Variants in P4HA1 observed in about 807,000 individuals in gnomAD.
The protein encoded by P4HA1 is prolyl 4-hydroxylase subunit alpha-1.
P4HA1 carries 24 observed loss-of-function variants against 72.8 expected under a neutral mutation model. The observed-to-expected ratio is 0.33, with a 90% CI of 0.24 to 0.46. P4HA1 has a LOEUF of 0.46. Ranked by LOEUF, P4HA1 falls within the 20% of genes least tolerant of loss-of-function variation. The pLI is 1.00. For synonymous variants in P4HA1, 201 were observed against 218.8 expected (o/e 0.92, Z 0.72); for missense variants, 446 against 640.6 (o/e 0.70, Z 3.28).
At chr10:73,063,758 T>A (rs1025414748) in intron 5 of P4HA1, among the ~76,000 whole-genome samples, 1 of 152,200 alleles carries the variant, frequency 6.6e-6, no homozygotes, top group Non-Finnish European at 1.5e-5. Context: ...GCAGAGATAG[T>A]AGAAGATTTT....
chr10:73,087,065 G>A (rs575294826), intron 1 of P4HA1, among the ~76,000 whole-genome samples: 5 of 151,052 alleles, frequency 3.3e-5, no homozygotes, highest in Admixed American at 6.6e-5. Context: ...ACTGCCAAAC[G>A]TTTCTCCAAA....
At chr10:73,013,410 T>G (rs961288336) in intron 12 of P4HA1, among the ~76,000 whole-genome samples, 1 of 152,236 alleles carries the variant, frequency 6.6e-6, no homozygotes, top group Admixed American at 6.5e-5. Flanking sequence ...CTCAGCCACA[T>G]GTATTGGCCA....
chr10:73,048,168 A>G (rs1840920361), intron 7 of P4HA1, among the ~76,000 whole-genome samples: 1 of 152,202 alleles, frequency 6.6e-6, no homozygotes, highest in Non-Finnish European at 1.5e-5. Flanking sequence ...TTTATTCTCC[A>G]TGCACTTTAC....
intron 4 of P4HA1, among the ~76,000 whole-genome samples, chr10:73,070,921 G>A (rs1459189129): frequency 3.3e-5 from 5 of 152,172 alleles, no homozygotes; most frequent in Middle Eastern, 3.4e-3. Context: ...TGGCTCACGC[G>A]TGTAATCCCT....
At chr10:73,027,043 T>C (rs140413323) in intron 10 of P4HA1, among the ~76,000 whole-genome samples, 4 of 152,322 alleles carry the variant, frequency 2.6e-5, no homozygotes, top group African/African-American at 9.6e-5. Context: ...AGTGTGGTGA[T>C]TTCTCAAGGA....
intron 1 of P4HA1, among the ~76,000 whole-genome samples, chr10:73,083,281 T>C (rs1371313416): frequency 2.6e-5 from 4 of 152,206 alleles, no homozygotes; most frequent in Non-Finnish European, 5.9e-5. Flanking sequence ...ACTTACAATC[T>C]GATGGACAAA....
intron 8 of P4HA1, 122 bp from the exon 9 acceptor site, chr10:73,045,173 A>T: frequency 1.5e-6 from 1 of 684,936 alleles, no homozygotes; most frequent in Non-Finnish European, 2.5e-6. Context: ...AACTCCATAC[A>T]CTTCCAGTCA....
chr10:73,063,556 A>G (rs1303475245), intron 5 of P4HA1, among the ~76,000 whole-genome samples: 1 of 152,240 alleles, frequency 6.6e-6, no homozygotes, highest in Non-Finnish European at 1.5e-5. Flanking sequence ...AAATTTTGAC[A>G]ATGCTATTAT....
At chr10:73,046,810 A>T (rs527925581) in intron 8 of P4HA1, 115 bp downstream of exon 8, 7 of 803,508 alleles carry the variant, frequency 8.7e-6, no homozygotes, top group African/African-American at 5.2e-5. Context: ...CTGAGGCAAA[A>T]TATCTTTAAA....
intron 10 of P4HA1, among the ~76,000 whole-genome samples, chr10:73,019,941 G>A (rs1342849539): frequency 6.6e-6 from 1 of 151,902 alleles, no homozygotes; most frequent in African/African-American, 2.4e-5. Flanking sequence ...TATTACAGGA[G>A]TTCCAAAAGG....
At chr10:73,024,733 T>A (rs1348941547) in intron 10 of P4HA1, among the ~76,000 whole-genome samples, 1 of 149,474 alleles carries the variant, frequency 6.7e-6, no homozygotes, top group Non-Finnish European at 1.5e-5. Context: ...ACAAAATTGA[T>A]AGACAGCTAG....
chr10:73,050,525 C>A (rs1320720823), intron 7 of P4HA1, among the ~76,000 whole-genome samples: 1 of 151,788 alleles, frequency 6.6e-6, no homozygotes. Context: ...CATGGTGAAA[C>A]CCCATCTCTA....
Position 73,030,386 on chromosome 10 carries a change from A to T in P4HA1, c.1149-16T>A. ...GAGCCAGGCACTAAGAATAAGAGGA[A>T]TATTAGTTTTATTGATAATGTTTCA... is the stretch of plus-strand genomic sequence containing the variant. On this transcript the variant is annotated splice_polypyrimidine_tract_variant and intron_variant, in intron 9 of 14. Coordinates refer to ENST00000394890, the MANE Select transcript of P4HA1 (RefSeq NM_001017962.3). The T allele has an allele frequency of 7.3e-7, 1 of 1,377,928 alleles. No individual in the cohort carries two copies. The highest frequency in any genetic ancestry group is 1.4e-5 in the African/African-American group (1 of 70,526). The allele number at this position is 1,377,928 out of a possible 1,614,324, so 85.4% of individuals were successfully genotyped here.
chr10:73,019,142 A>G (rs1840076146), intron 10 of P4HA1, among the ~76,000 whole-genome samples: 1 of 152,146 alleles, frequency 6.6e-6, no homozygotes, highest in African/African-American at 2.4e-5. Flanking sequence ...AATCTACTCC[A>G]CAGCTACCAC....
intron 5 of P4HA1, among the ~76,000 whole-genome samples, chr10:73,054,320 G>A (rs1156749680): frequency 6.6e-6 from 1 of 152,164 alleles, no homozygotes; most frequent in Non-Finnish European, 1.5e-5. Context: ...GCATTAATAT[G>A]TCATTTAAAT....
rs1453294504 is a variant in P4HA1, at chr10:73,008,067, A to T, written c.*155T>A. 3 of 440,982 alleles carry T rather than the reference A, an allele frequency of 6.8e-6. No homozygotes were observed. The allele number at this position is 440,982 out of a possible 1,614,324, so 27.3% of individuals were successfully genotyped here. A position where few individuals can be genotyped will look rare whatever the true frequency, so the allele number is the denominator to read the frequency against. On this transcript the variant is annotated 3_prime_UTR_variant, in exon 15 of 15. Transcript: ENST00000394890. The stretch of plus-strand genomic sequence containing the variant: ...TTACTTTTAAAAGAACCCACAAAGT[A>T]AGCAATTGTCCACAGATGAAACATG...
At chr10:73,048,347 T>C (rs1311961803) in intron 7 of P4HA1, among the ~76,000 whole-genome samples, 2 of 152,228 alleles carry the variant, frequency 1.3e-5, no homozygotes, top group Admixed American at 1.3e-4. Context: ...CACTGCAGCC[T>C]CTGCCTCCTG....
intron 1 of P4HA1, among the ~76,000 whole-genome samples, chr10:73,087,009 G>A (rs1206466807): frequency 6.6e-6 from 1 of 150,830 alleles, no homozygotes; most frequent in African/African-American, 2.4e-5. Flanking sequence ...ACCTAGGAGC[G>A]GGAATGTTGG....
intron 4 of P4HA1, among the ~76,000 whole-genome samples, chr10:73,070,950 G>A (rs895904173): frequency 1.3e-5 from 2 of 152,120 alleles, no homozygotes; most frequent in African/African-American, 2.4e-5. Context: ...GGGAGGCTGA[G>A]GTGGAAGGAT....
Sources: gnomAD v4.1 joint callset for allele counts (sites outside exome capture counted in the v4.1 genomes callset) on GRCh38, gnomAD v4.1.1 for gene constraint, MANE v1.5 for transcripts, NCBI Gene and HGNC (gene_info 2026-07-23, HGNC 2026-07-21) for gene names.